VAT1L: variants seen among roughly 807,000 people sequenced by gnomAD.
VAT1L encodes vesicle amine transport 1 like, also known as putative NADPH-dependent quinone oxidoreductase VAT1L.
Under a neutral mutation model 44.1 loss-of-function variants are expected in VAT1L, and 34 were observed. That is an observed-to-expected ratio of 0.77 (90% confidence interval 0.59 to 1.03). The LOEUF (loss-of-function observed/expected upper bound fraction) is 1.03, where lower values mean the gene tolerates loss of function less well. VAT1L is among the 50% of genes least tolerant of loss of function. VAT1L has a pLI of 0.00. For synonymous variants in VAT1L, 253 were observed against 202.2 expected (o/e 1.25, Z -2.13); for missense variants, 615 against 538.8 (o/e 1.14, Z -1.40).
intron 2 of VAT1L, among the ~76,000 whole-genome samples, chr16:77,821,178 C>T (rs2016447139): frequency 6.6e-6 from 1 of 152,174 alleles, no homozygotes; most frequent in African/African-American, 2.4e-5. Flanking sequence ...AGCCTCTGCC[C>T]TCTAAGATCT....
Position 77,805,728 on chromosome 16 carries a change from C to T in VAT1L, c.234-11193C>T, listed in dbSNP as rs146233972. ...CTGATGCCTGCCTCTCCGCCAGTGT[C>T]GTGATCTCCGACTTCCCACAGACAC... On this transcript the variant is annotated intron_variant, in intron 1 of 8. Transcript: ENST00000302536. Among the ~76,000 whole-genome samples, 763 of 152,098 alleles carry T rather than the reference C, an allele frequency of 5.0e-3. 2 individuals are homozygous for T. Among genetic ancestry groups the T allele is most frequent in the Non-Finnish European group, 7.5e-3 (511 of 68,008 alleles).
At position 77,788,889 on chromosome 16, in the gene VAT1L, C is replaced by G. The variant is rs765991842; in HGVS notation, c.207C>G (p.Gly69=). 70 of 1,544,262 alleles carry G rather than the reference C, an allele frequency of 4.5e-5. No homozygotes were observed. Among genetic ancestry groups the G allele is most frequent in the Non-Finnish European group, 5.7e-5 (65 of 1,147,086 alleles). ...AGGCCATGCCCGAGCCTCAGGACGG[C>G]GAGCTCAAGATCCGCGTCAAAGCCT... ...FRKAMPEPQD[G]ELKIRVKACG... The change falls in exon 1 of 9, where the codon GGC becomes GGG. Residue 69 remains glycine (G), a synonymous_variant. Transcript: ENST00000302536.
At chr16:77,923,768 C>A (rs2017637034) in intron 7 of VAT1L, among the ~76,000 whole-genome samples, 1 of 152,110 alleles carries the variant, frequency 6.6e-6, no homozygotes, top group African/African-American at 2.4e-5. Context: ...AACAAAGTGC[C>A]TTCACTACAC....
Position 77,788,934 on chromosome 16 carries a change from T to A in VAT1L, c.233+19T>A. 1 of 1,451,520 alleles carries A rather than the reference T, an allele frequency of 6.9e-7. No individual in the cohort carries two copies. The highest frequency in any genetic ancestry group is 2.6e-5 in the East Asian group (1 of 38,432). The allele number at this position is 1,451,520 out of a possible 1,614,324, so 89.9% of individuals were successfully genotyped here. A position where few individuals can be genotyped will look rare whatever the true frequency, so the allele number is the denominator to read the frequency against. On this transcript the variant is annotated intron_variant, in intron 1 of 8. Transcript: ENST00000302536. The stretch of plus-strand genomic sequence containing the variant: ...AAGCCTGGTCCAGTATCCGCGCCTT[T>A]CTCGCTTTCTCTCTTTTTGCGCGCT...
chr16:77,825,178 A>G, intron 2 of VAT1L, 68 bp from the exon 3 acceptor site: 1 of 1,575,462 alleles, frequency 6.3e-7, no homozygotes, highest in Non-Finnish European at 8.7e-7. Context: ...GCTCCCAGTA[A>G]TTCTGTTCTC....
intron 1 of VAT1L, among the ~76,000 whole-genome samples, chr16:77,805,168 A>T (rs570470816): frequency 6.6e-6 from 1 of 152,286 alleles, no homozygotes; most frequent in African/African-American, 2.4e-5. Context: ...CCTCTCTGAG[A>T]CAATTCTGGC....
intron 7 of VAT1L, among the ~76,000 whole-genome samples, chr16:77,951,699 C>T (rs2018044559): frequency 6.6e-6 from 1 of 152,046 alleles, no homozygotes; most frequent in Admixed American, 6.6e-5. Context: ...GAGCCAGCGA[C>T]ATTTGAGGGA....
At chr16:77,847,550 T>C (rs1019831987) in intron 3 of VAT1L, among the ~76,000 whole-genome samples, 3 of 152,188 alleles carry the variant, frequency 2.0e-5, no homozygotes, top group African/African-American at 7.2e-5. Context: ...GTGGACATGA[T>C]AGAGCTCAAA....
intron 7 of VAT1L, among the ~76,000 whole-genome samples, chr16:77,906,471 A>G (rs1384811003): frequency 6.6e-6 from 1 of 152,218 alleles, no homozygotes; most frequent in Non-Finnish European, 1.5e-5. Context: ...GATCGCCTCA[A>G]ATCAGAGCCT....
Position 77,977,654 on chromosome 16 carries a change from G to A in VAT1L, c.1219G>A (p.Gly407Arg). The A allele has an allele frequency of 1.4e-5, 23 of 1,614,078 alleles. No individual in the cohort carries two copies. The highest frequency in any genetic ancestry group is 1.9e-5 in the Non-Finnish European group (23 of 1,179,984). ...AGGGGAAGAGGAGGAGGACCACGAG[G>A]GAGACAGCGAGAACAAGGAGCGGAT... ...EAGEEEEDHE[G>R]DSENKERMPF... Residue 407 changes from glycine (G) to arginine (R), a missense_variant, in exon 9 of 9, where the codon GGA (glycine) becomes AGA (arginine). Coordinates refer to ENST00000302536, the MANE Select transcript of VAT1L (RefSeq NM_020927.3).
At chr16:77,847,468 C>T (rs2016769139) in intron 3 of VAT1L, among the ~76,000 whole-genome samples, 1 of 152,172 alleles carries the variant, frequency 6.6e-6, no homozygotes, top group South Asian at 2.1e-4. Flanking sequence ...AGTGCACCAC[C>T]ATATTTTAAC....
At chr16:77,902,972 G>GAAAAAAAAAAAAAAAAAAAAAAAAAA (rs11307214) in intron 7 of VAT1L, among the ~76,000 whole-genome samples, 2 of 96,392 alleles carry the variant, frequency 2.1e-5, no homozygotes, top group East Asian at 2.7e-4. Context: ...GACTCTGTCT[G>GAAAAAAAAAAAAAAAAAAAAAAAAAA]AAAAAAAAAA....
chr16:77,804,106 T>C (rs909941237), intron 1 of VAT1L, among the ~76,000 whole-genome samples: 3 of 152,212 alleles, frequency 2.0e-5, no homozygotes, highest in African/African-American at 7.2e-5. Context: ...CATTAGTGCC[T>C]AGCCAAGCCC....
At chr16:77,855,699 T>C (rs2016851393) in intron 3 of VAT1L, among the ~76,000 whole-genome samples, 1 of 152,228 alleles carries the variant, frequency 6.6e-6, no homozygotes, top group Non-Finnish European at 1.5e-5. Flanking sequence ...TTTATATTTC[T>C]GGCACCTCTG....
At position 77,879,905 on chromosome 16, in the gene VAT1L, C is replaced by G. The variant is rs113380230; in HGVS notation, c.882+681C>G. ...CTTTCTGACCAGGTCTCTGGGGGTACTTGAGATTTCTCTGTCTCCCCATCC... is the reference window on the plus strand; with the variant it reads ...CTTTCTGACCAGGTCTCTGGGGGTAGTTGAGATTTCTCTGTCTCCCCATCC... On this transcript the variant is annotated intron_variant, in intron 6 of 8. Transcript: ENST00000302536. This position sits in a 1 kb window ranked among gnomAD's most constrained non-coding sequence, Gnocchi z 4.1. Among the ~76,000 whole-genome samples, 6 of 152,158 alleles carry G rather than the reference C, an allele frequency of 3.9e-5. No homozygotes were observed. Among genetic ancestry groups the G allele is most frequent in the Non-Finnish European group, 8.8e-5 (6 of 68,036 alleles).
chr16:77,804,846 A>T (rs2016127366), intron 1 of VAT1L, among the ~76,000 whole-genome samples: 1 of 152,200 alleles, frequency 6.6e-6, no homozygotes, highest in Non-Finnish European at 1.5e-5. Flanking sequence ...TTTTTCTCCC[A>T]GTTTCCTCCC....
intron 3 of VAT1L, among the ~76,000 whole-genome samples, chr16:77,855,301 C>T (rs2016846801): frequency 6.6e-6 from 1 of 150,694 alleles, no homozygotes; most frequent in Non-Finnish European, 1.5e-5. Context: ...GATCGTGCCA[C>T]TGCACTCCAG....
intron 4 of VAT1L, among the ~76,000 whole-genome samples, chr16:77,875,029 G>A (rs12448404): frequency 1.7e-4 from 26 of 152,076 alleles, no homozygotes; most frequent in Middle Eastern, 6.8e-3. Flanking sequence ...AGTAAACCCT[G>A]CAGGTTATTA....
In VAT1L at chr16:77,788,631, G is replaced by T; in HGVS notation, c.-52G>T. On this transcript the variant is annotated 5_prime_UTR_variant, in exon 1 of 9. Coordinates refer to ENST00000302536, the MANE Select transcript of VAT1L (RefSeq NM_020927.3). ...GGGAGAGGAGCCCCACTCCCCCAGCGCCGCAGCCACCGCAGCCACCGCAGC... is the reference window on the plus strand; with the variant it reads ...GGGAGAGGAGCCCCACTCCCCCAGCTCCGCAGCCACCGCAGCCACCGCAGC... 1 of 1,538,730 alleles carries T rather than the reference G, an allele frequency of 6.5e-7. No individual in the cohort carries two copies. Among genetic ancestry groups the T allele is most frequent in the South Asian group, 1.2e-5 (1 of 83,454 alleles).
Sources: allele counts gnomAD v4.1 joint callset (sites outside exome capture counted in the v4.1 genomes callset), GRCh38; gene constraint gnomAD v4.1.1; non-coding constraint Gnocchi (gnomAD v3.1); transcripts MANE v1.5; gene names NCBI Gene and HGNC (gene_info 2026-07-23, HGNC 2026-07-21).